PDE6G: variants seen among roughly 807,000 people sequenced by gnomAD.
PDE6G encodes rod cGMP 3',5'-cyclic phosphodiesterase subunit gamma.
Under a neutral mutation model 10.9 loss-of-function variants are expected in PDE6G, and 10 were observed. The observed-to-expected ratio is 0.91, with a 90% CI of 0.56 to 1.55. The LOEUF is 1.55. PDE6G is among the 40% of genes most tolerant of loss of function. The pLI, the probability that PDE6G is intolerant of heterozygous loss-of-function variation, is 0.00. For missense variants in PDE6G, 102 were observed against 110.1 expected (o/e 0.93, Z 0.33); for synonymous variants, 41 against 42.8 (o/e 0.96, Z 0.16).
At chr17:81,659,521 C>T (rs1055108310), upstream of PDE6G, among the ~76,000 whole-genome samples, 2 of 152,064 alleles carry the variant, frequency 1.3e-5, no homozygotes, top group South Asian at 2.1e-4. Flanking sequence ...ATCATTTAAA[C>T]CCGGGAGGCG....
Position 81,653,084 on chromosome 17 carries a change from C to T in PDE6G, c.146+76G>A. On this transcript the variant is annotated intron_variant, in intron 2 of 3. Transcript: ENST00000331056. The surrounding 1 kb of genome is among the most constrained non-coding windows in gnomAD (Gnocchi z 5.2). Reference sequence around the variant, plus strand: ...CCCAGTGAAGTGGCCCCAGGCTCTGCCCCGCCCTCCCCTTCCTGTGCAGCC... The same window carrying T: ...CCCAGTGAAGTGGCCCCAGGCTCTGTCCCGCCCTCCCCTTCCTGTGCAGCC... 1 of 1,548,982 alleles carries T rather than the reference C, an allele frequency of 6.5e-7. No individual in the cohort carries two copies. The highest frequency in any genetic ancestry group is 1.1e-5 in the South Asian group (1 of 89,708).
intron 1 of PDE6G, among the ~76,000 whole-genome samples, chr17:81,655,387 C>G (rs2036430997): frequency 6.6e-6 from 1 of 152,254 alleles, no homozygotes. Context: ...GGGGGAATCA[C>G]CAGGCCCTCT....
upstream of PDE6G, chr17:81,657,185 T>A (rs942119612): frequency 1.9e-5 from 3 of 155,968 alleles, no homozygotes; most frequent in Non-Finnish European, 2.9e-5. Context: ...AAGCAAACCA[T>A]GCCATCTTAG....
chr17:81,656,560 C>A (rs754879606), upstream of PDE6G: 3 of 761,342 alleles, frequency 3.9e-6, no homozygotes, highest in South Asian at 1.4e-5. Context: ...GGTGCCAGCC[C>A]CGGCCTTTAT....
upstream of PDE6G, chr17:81,656,596 C>T (rs368577937): frequency 2.8e-5 from 21 of 744,714 alleles, no homozygotes; most frequent in South Asian, 7.0e-5. Context: ...GCTGATTAGG[C>T]GTCTCAGTGC....
At chr17:81,657,507 T>G (rs2036462345), upstream of PDE6G, among the ~76,000 whole-genome samples, 1 of 152,214 alleles carries the variant, frequency 6.6e-6, no homozygotes, top group African/African-American at 2.4e-5. Context: ...ATCTCCTTGC[T>G]ATTTATGGCA....
At chr17:81,661,382 C>T (rs185119879), upstream of PDE6G, among the ~76,000 whole-genome samples, 1 of 152,212 alleles carries the variant, frequency 6.6e-6, no homozygotes, top group African/African-American at 2.4e-5. Flanking sequence ...CAGATACGGG[C>T]AGGTCCCCAG....
intron 1 of PDE6G, among the ~76,000 whole-genome samples, chr17:81,661,838 G>A (rs1322261186): frequency 2.4e-5 from 3 of 125,716 alleles, no homozygotes; most frequent in African/African-American, 9.3e-5. Context: ...TCCAGCCTGC[G>A]ACAGAGTGAG....
chr17:81,661,645 G>C (rs1229784937), intron 1 of PDE6G, among the ~76,000 whole-genome samples: 1 of 152,218 alleles, frequency 6.6e-6, no homozygotes, highest in Non-Finnish European at 1.5e-5. Flanking sequence ...TGAATCACAA[G>C]GTCAGGAGTT....
chr17:81,656,421 A>G, intron 1 of PDE6G, 72 bp downstream of exon 1: 1 of 714,186 alleles, frequency 1.4e-6, no homozygotes, highest in African/African-American at 1.7e-5. Context: ...CCCTTGGGTG[A>G]TGAGCAGACC....
chr17:81,655,432 C>T (rs2036432142), intron 1 of PDE6G, among the ~76,000 whole-genome samples: 1 of 152,236 alleles, frequency 6.6e-6, no homozygotes. Flanking sequence ...GCAGGGTCAC[C>T]CGCCTGGCGT....
At position 81,653,225 on chromosome 17, in the gene PDE6G, G is replaced by A. The variant is rs546019967; in HGVS notation, c.81C>T (p.Pro27=). ...AGGPVTPRKG[P]PKFKQRQTRQ... The stretch of plus-strand genomic sequence containing the variant: ...TGGTCTGTCGCTGCTTAAATTTAGG[G>A]GGCCCTTTCCTGGGGGTGACAGGTC... Residue 27 remains proline (P), a synonymous_variant, in exon 2 of 4, where the codon CCC becomes CCT. Transcript: ENST00000331056. The surrounding 1 kb of genome is among the most constrained non-coding windows in gnomAD (Gnocchi z 5.2). 1.4e-4 allele frequency: 228 copies of A among 1,614,124 alleles called. 5 individuals carry two copies. In the South Asian group the frequency reaches 2.3e-3, roughly 16 times the overall value.
At chr17:81,652,276 G>T (rs931993547) in intron 2 of PDE6G, among the ~76,000 whole-genome samples, 1 of 152,080 alleles carries the variant, frequency 6.6e-6, no homozygotes, top group Non-Finnish European at 1.5e-5. Flanking sequence ...GGCAGTGGTT[G>T]TATTTTTTTT....
upstream of PDE6G, among the ~76,000 whole-genome samples, chr17:81,658,410 C>T (rs889024776): frequency 7.2e-5 from 11 of 151,950 alleles, no homozygotes; most frequent in Admixed American, 2.0e-4. Flanking sequence ...ATAGACCCAG[C>T]TACTTGGGAG....
At chr17:81,658,983 T>C (rs34675863), upstream of PDE6G, among the ~76,000 whole-genome samples, 13,306 of 152,050 alleles carry the variant, frequency 0.088, 834 homozygotes, top group East Asian at 0.22. Flanking sequence ...AAAGACCCTA[T>C]AGCCTTGATT....
At chr17:81,655,672 C>T (rs1445782000) in intron 1 of PDE6G, among the ~76,000 whole-genome samples, 1 of 152,024 alleles carries the variant, frequency 6.6e-6, no homozygotes, top group East Asian at 2.0e-4. Context: ...CCGGAAAGTT[C>T]TGGAAGGAGG....
chr17:81,651,591 G>C lies in PDE6G; in HGVS notation c.187+54C>G. The C allele has an allele frequency of 6.4e-7, 1 of 1,574,012 alleles. No homozygotes were observed. Among genetic ancestry groups the C allele is most frequent in the Admixed American group, 1.7e-5 (1 of 59,928 alleles). ...CTGCAATGGGCCCCGGGCGTGCTGG[G>C]TGTGCCTGGGGGGACCTGGGCAGAC... On this transcript the variant is annotated intron_variant, in intron 3 of 3. Transcript: ENST00000331056. The surrounding 1 kb of genome is among the most constrained non-coding windows in gnomAD (Gnocchi z 4.8).
At chr17:81,652,848 C>T (rs1474407507) in intron 2 of PDE6G, among the ~76,000 whole-genome samples, 1 of 45,228 alleles carries the variant, frequency 2.2e-5, no homozygotes, top group Non-Finnish European at 3.7e-5. Context: ...TTTTTTAGGC[C>T]GGGCGCGACC....
chr17:81,653,022 G>T lies in PDE6G; in HGVS notation c.146+138C>A. 1 of 1,030,726 alleles carries T rather than the reference G, an allele frequency of 9.7e-7. No individual in the cohort carries two copies. Among genetic ancestry groups the T allele is most frequent in the Non-Finnish European group, 1.5e-6 (1 of 659,490 alleles). 63.8% of individuals were successfully genotyped at this position (1,030,726 alleles called of 1,614,324 possible). A position where few individuals can be genotyped will look rare whatever the true frequency, so the allele number is the denominator to read the frequency against. On this transcript the variant is annotated intron_variant, in intron 2 of 3. Coordinates refer to ENST00000331056, the MANE Select transcript of PDE6G (RefSeq NM_002602.4). The surrounding 1 kb of genome is among the most constrained non-coding windows in gnomAD (Gnocchi z 5.2). Reference sequence around the variant, plus strand: ...ATCCCTGCTCAGGCCCTCAGGCACCGCCCTACCTTCCCCAGCTGTGAGGCT... The same window carrying T: ...ATCCCTGCTCAGGCCCTCAGGCACCTCCCTACCTTCCCCAGCTGTGAGGCT...
Sources: allele counts gnomAD v4.1 joint callset (sites outside exome capture counted in the v4.1 genomes callset), GRCh38; gene constraint gnomAD v4.1.1; non-coding constraint Gnocchi (gnomAD v3.1); transcripts MANE v1.5; gene names NCBI Gene and HGNC (gene_info 2026-07-23, HGNC 2026-07-21).